The following PDZD7 variants were observed in gnomAD, a reference collection of about 807,000 sequenced individuals.
PDZD7 encodes the protein PDZ domain-containing protein 7.
PDZD7 carries 72 observed loss-of-function variants against 84.7 expected under a neutral mutation model. The ratio of observed to expected loss-of-function variants is 0.85; its 90% confidence interval spans 0.70 to 1.03. The LOEUF is 1.03. PDZD7 is among the 50% of genes least tolerant of loss of function. PDZD7 has a pLI of 0.00. For synonymous variants in PDZD7, 594 were observed against 580.7 expected (o/e 1.02, Z -0.33); for missense variants, 1,490 against 1,412.9 (o/e 1.05, Z -0.87).
In PDZD7 at chr10:101,010,503, A is replaced by G; in HGVS notation, c.2386T>C (p.Ser796Pro). 1 of 1,533,738 alleles carries G rather than the reference A, an allele frequency of 6.5e-7. No homozygotes were observed. Among genetic ancestry groups the G allele is most frequent in the Admixed American group, 2.0e-5 (1 of 50,904 alleles). ...RGQGKSPGRR[S>P]PSPVPTPAPS... ...GCAGGGGTAGGCACCGGGGATGGGG[A>G]GCGTCTACCTGGAGACTTGCCTTGA... Residue 796 changes from serine to proline, a missense_variant, in exon 15 of 17, where the codon TCC becomes CCC. Physicochemically the swap from Ser to Pro is moderately conservative, Grantham distance 74. Transcript: ENST00000619208.
chr10:101,029,177 C>T (rs1197278103), intron 2 of PDZD7, among the ~76,000 whole-genome samples: 1 of 152,234 alleles, frequency 6.6e-6, no homozygotes. Flanking sequence ...AGTCACCTCA[C>T]ATCTGTCACT....
intron 3 of PDZD7, 39 bp from the exon 4 acceptor site, chr10:101,023,649 G>A: frequency 1.2e-6 from 2 of 1,603,886 alleles, no homozygotes; most frequent in Non-Finnish European, 1.7e-6. Flanking sequence ...TGGGTCCCCA[G>A]GGTGGGGCTG....
intron 2 of PDZD7, among the ~76,000 whole-genome samples, chr10:101,027,391 T>C (rs1223449157): frequency 3.3e-5 from 5 of 152,156 alleles, no homozygotes; most frequent in African/African-American, 4.8e-5. Flanking sequence ...CTCCTCTTCC[T>C]CGTTCCCCTC....
Position 101,012,033 on chromosome 10 carries a change from G to A in PDZD7, c.1842-17C>T, listed in dbSNP as rs985944917. On this transcript the variant is annotated splice_polypyrimidine_tract_variant and intron_variant, in intron 12 of 16. Coordinates refer to ENST00000619208, the MANE Select transcript of PDZD7 (RefSeq NM_001195263.2). ...ACCACACTCCTGGGAGAGGGCGAGA[G>A]ACAGCAGGGGTGGGAGGGGCAGGCA... is the stretch of plus-strand genomic sequence containing the variant. The A allele has an allele frequency of 2.6e-6, 4 of 1,546,378 alleles. No individual in the cohort carries two copies. The highest frequency in any genetic ancestry group is 1.4e-5 in the African/African-American group (1 of 72,988).
At chr10:101,023,901 G>A in intron 3 of PDZD7, 27 bp downstream of exon 3, 2 of 1,614,192 alleles carry the variant, frequency 1.2e-6, no homozygotes, top group Non-Finnish European at 1.7e-6. Flanking sequence ...TCCTAAGCGT[G>A]GACTTCAGCC....
intron 7 of PDZD7, among the ~76,000 whole-genome samples, chr10:101,019,458 A>G (rs1195099045): frequency 6.6e-6 from 1 of 152,094 alleles, no homozygotes; most frequent in African/African-American, 2.4e-5. Context: ...GCAGATTCTC[A>G]GAGGGGAGCC....
chr10:101,012,029 G>T lies in PDZD7; in HGVS notation c.1842-13C>A, dbSNP rs948487802. ...GGCCACCACACTCCTGGGAGAGGGCGAGAGACAGCAGGGGTGGGAGGGGCA... is the reference window on the plus strand; with the variant it reads ...GGCCACCACACTCCTGGGAGAGGGCTAGAGACAGCAGGGGTGGGAGGGGCA... On this transcript the variant is annotated splice_polypyrimidine_tract_variant and intron_variant, in intron 12 of 16. Transcript: ENST00000619208. 1 of 1,548,214 alleles carries T rather than the reference G, an allele frequency of 6.5e-7. No individual in the cohort carries two copies. The highest frequency in any genetic ancestry group is 1.2e-5 in the South Asian group (1 of 84,030).
chr10:101,026,663 TCACACACACACACACA>T (rs3051194), intron 2 of PDZD7, among the ~76,000 whole-genome samples: 231 of 123,894 alleles, frequency 1.9e-3, no homozygotes, highest in African/African-American at 5.0e-3. Flanking sequence ...CAGGGAGAAA[TCACACACACACACACA>T]CACACACACA....
In PDZD7 at chr10:101,008,332, A is replaced by T; in HGVS notation, c.*135T>A. On this transcript the variant is annotated 3_prime_UTR_variant, in exon 17 of 17. Transcript: ENST00000619208. ...GCTGAGGAGGGAAGAAAGTGGAAAG[A>T]TGTGAGCCACCAGTGTGGCACTGGG... is the stretch of plus-strand genomic sequence containing the variant. 1.1e-6 allele frequency: 1 copy of T among 908,846 alleles called. No individual in the cohort carries two copies. The highest frequency in any genetic ancestry group is 1.6e-6 in the Non-Finnish European group (1 of 618,518). 56.3% of individuals were successfully genotyped at this position (908,846 alleles called of 1,614,324 possible). A position where few individuals can be genotyped will look rare whatever the true frequency, so the allele number is the denominator to read the frequency against.
intron 14 of PDZD7, 109 bp from the exon 15 acceptor site, chr10:101,010,992 AC>A: frequency 1.3e-6 from 2 of 1,518,390 alleles, no homozygotes; most frequent in South Asian, 2.4e-5. Flanking sequence ...TTGTTCAGGC[AC>A]CACTGCAGTG....
At position 101,012,010 on chromosome 10, in the gene PDZD7, C is replaced by G; in HGVS notation, c.1848G>C (p.Val616=). The change falls in exon 13 of 17, where the codon GTG becomes GTC. Residue 616 remains valine (V), a synonymous_variant. Coordinates refer to ENST00000619208, the MANE Select transcript of PDZD7 (RefSeq NM_001195263.2). ...KLLLLQDIRS[V]VAPTDLGRFD... ...AGCGGCCCAGGTCTGTGGGGGCCAC[C>G]ACACTCCTGGGAGAGGGCGAGAGAC... The G allele has an allele frequency of 1.3e-6, 2 of 1,550,382 alleles. No homozygotes were observed. Among genetic ancestry groups the G allele is most frequent in the Middle Eastern group, 3.4e-4 (2 of 5,926 alleles).
intron 9 of PDZD7, among the ~76,000 whole-genome samples, chr10:101,016,953 T>C (rs1157296324): frequency 2.0e-5 from 3 of 152,002 alleles, no homozygotes. Flanking sequence ...CAAAGCAGGG[T>C]CCAGCTCCTC....
intron 14 of PDZD7, 45 bp from the exon 15 acceptor site, chr10:101,010,928 A>C (rs1393881547): frequency 6.9e-7 from 1 of 1,449,866 alleles, no homozygotes; most frequent in Non-Finnish European, 9.1e-7. Context: ...TCCCCTCTCC[A>C]GGACCCAGGC....
rs763533135 is a variant in PDZD7, at chr10:101,020,637, C to T, written c.909G>A (p.Glu303=). The change falls in exon 7 of 17, where the codon GAG becomes GAA. Residue 303 remains glutamate, a synonymous_variant. Transcript: ENST00000619208. ...ACTTACGTCGGTCCAGCCAGCAGTACTCAGAAACCATCTCCTTGTAGGCAG... is the reference window on the plus strand; with the variant it reads ...ACTTACGTCGGTCCAGCCAGCAGTATTCAGAAACCATCTCCTTGTAGGCAG... ...RYPAYKEMVS[E]YCWLDRLSNG... 1.9e-6 allele frequency: 3 copies of T among 1,613,926 alleles called. No individual in the cohort carries two copies. The highest frequency in any genetic ancestry group is 2.7e-5 in the African/African-American group (2 of 74,890).
chr10:101,013,704 G>A (rs985610909), intron 11 of PDZD7, among the ~76,000 whole-genome samples: 1 of 152,206 alleles, frequency 6.6e-6, no homozygotes, highest in African/African-American at 2.4e-5. Context: ...GCGGCCGTGG[G>A]AAAGTGGAGG....
At chr10:101,009,199 C>G in intron 16 of PDZD7, 51 bp downstream of exon 16, 2 of 1,454,528 alleles carry the variant, frequency 1.4e-6, no homozygotes, top group Non-Finnish European at 1.9e-6. Flanking sequence ...CCACCTCCTG[C>G]CTGGTTTCAG....
intron 2 of PDZD7, among the ~76,000 whole-genome samples, chr10:101,026,045 G>T (rs912774363): frequency 6.6e-6 from 1 of 152,154 alleles, no homozygotes; most frequent in African/African-American, 2.4e-5. Context: ...ACACCACACT[G>T]CAATACGTAT....
In PDZD7 at chr10:101,023,952, T is replaced by C. The variant is rs1389436900; in HGVS notation, c.343A>G (p.Lys115Glu). 1 of 1,614,270 alleles carries C rather than the reference T, an allele frequency of 6.2e-7. No individual in the cohort carries two copies. Among genetic ancestry groups the C allele is most frequent in the Non-Finnish European group, 8.5e-7 (1 of 1,180,038 alleles). ...CCTGCACTGCTGCCTTCCTCCACTT[T>C]GCTGACGAAGATGCCCAGGCCATGC... ...SEHGLGIFVS[K>E]VEEGSSAERA... Residue 115 changes from lysine (K) to glutamate (E), a missense_variant, in exon 3 of 17, where the codon AAA becomes GAA. Physicochemically the swap from Lys to Glu is moderately conservative, Grantham distance 56. Transcript: ENST00000619208.
intron 2 of PDZD7, among the ~76,000 whole-genome samples, chr10:101,029,038 G>T (rs1937890110): frequency 6.6e-6 from 1 of 152,218 alleles, no homozygotes; most frequent in Non-Finnish European, 1.5e-5. Context: ...CCAGCCAGGG[G>T]AGCTCTGCTG....
Sources: allele counts gnomAD v4.1 joint callset (sites outside exome capture counted in the v4.1 genomes callset), GRCh38; gene constraint gnomAD v4.1.1; transcripts MANE v1.5; gene names NCBI Gene and HGNC (gene_info 2026-07-23, HGNC 2026-07-21).